DNAAF5: variants seen among roughly 807,000 people sequenced by gnomAD.
DNAAF5 encodes the protein HEAT repeat containing 2.
DNAAF5 carries 64 observed loss-of-function variants against 75.8 expected under a neutral mutation model. The ratio of observed to expected loss-of-function variants is 0.84; its 90% CI spans 0.69 to 1.04. The LOEUF is 1.04. Ranked by LOEUF, DNAAF5 falls within the 50% of genes least tolerant of loss-of-function variation. The pLI, the probability that DNAAF5 is intolerant of heterozygous loss-of-function variation, is 0.00. For missense variants in DNAAF5, 1,269 were observed against 1,178.5 expected, an observed-to-expected ratio of 1.08 and a Z score of -1.12; for synonymous variants, 657 against 557.2, an observed-to-expected ratio of 1.18 and a Z score of -2.52.
At chr7:757,531 T>C (rs1402583312) in intron 6 of DNAAF5, among the ~76,000 whole-genome samples, 1 of 152,266 alleles carries the variant, frequency 6.6e-6, no homozygotes, top group Non-Finnish European at 1.5e-5. Flanking sequence ...GGCGTTCCGA[T>C]CTGTGCTTCT....
At chr7:733,166 T>C (rs1781636626) in intron 2 of DNAAF5, among the ~76,000 whole-genome samples, 1 of 152,248 alleles carries the variant, frequency 6.6e-6, no homozygotes, top group Admixed American at 6.5e-5. Context: ...AGTGCCAAGC[T>C]GTTCTGGTCG....
In DNAAF5 at chr7:740,996, A is replaced by G. The variant is rs561452701; in HGVS notation, c.905+53A>G. On this transcript the variant is annotated intron_variant, in intron 3 of 12. Coordinates refer to ENST00000297440, the MANE Select transcript of DNAAF5 (RefSeq NM_017802.4). ...GTCTTCCTAAACGGTCATGTGTAGCAGTGGTGGTTTCTCTTTGCTCCCAGT... is the reference window on the plus strand; with the variant it reads ...GTCTTCCTAAACGGTCATGTGTAGCGGTGGTGGTTTCTCTTTGCTCCCAGT... The G allele has an allele frequency of 1.2e-5, 19 of 1,592,102 alleles. No homozygotes were observed. In the East Asian group the frequency reaches 4.0e-4, roughly 34 times the overall value.
intron 1 of DNAAF5, among the ~76,000 whole-genome samples, chr7:728,481 T>G (rs931907462): frequency 2.6e-5 from 4 of 152,104 alleles, no homozygotes; most frequent in African/African-American, 9.7e-5. Flanking sequence ...GAGCTGGACT[T>G]GGGGAAATGC....
intron 6 of DNAAF5, 117 bp from the exon 7 acceptor site, chr7:761,636 C>A: frequency 2.7e-6 from 3 of 1,097,316 alleles, no homozygotes; most frequent in Non-Finnish European, 2.6e-6. Context: ...CAGTTCCCTC[C>A]CACAGGGTCC....
chr7:735,508 C>CTCATAT (rs1562375322), intron 2 of DNAAF5, among the ~76,000 whole-genome samples: 3 of 149,472 alleles, frequency 2.0e-5, no homozygotes, highest in Admixed American at 1.3e-4. Flanking sequence ...ATTGTAGTTG[C>CTCATAT]TGATATTGTT....
rs548710395 is a variant in DNAAF5 at position 737,473 on chromosome 7, G to A, written c.781-3346G>A. ...GTAGTTTACACATCACAGTTACAGT[G>A]TTACAACATTGTGTTGTTCTGTGTG... On this transcript the variant is annotated intron_variant, in intron 2 of 12. Transcript: ENST00000297440. 7.2e-5 allele frequency among the ~76,000 whole-genome samples: 11 copies of A among 152,320 alleles called. No individual in the cohort carries two copies. In the South Asian group the frequency reaches 2.3e-3, roughly 32 times the overall value.
At chr7:729,487 G>A (rs980575289) in intron 1 of DNAAF5, among the ~76,000 whole-genome samples, 176 bp from the exon 2 acceptor site, 5 of 152,236 alleles carry the variant, frequency 3.3e-5, no homozygotes, top group African/African-American at 9.6e-5. Flanking sequence ...GTGCCGGGCG[G>A]TACAGAGCTC....
At chr7:761,720 C>G (rs1203668382) in intron 6 of DNAAF5, 33 bp from the exon 7 acceptor site, 1 of 1,572,686 alleles carries the variant, frequency 6.4e-7, no homozygotes, top group Non-Finnish European at 8.6e-7. Context: ...CCAAATTGTA[C>G]CAAGCTCTGA....
At chr7:751,677 G>A (rs1458884246) in intron 4 of DNAAF5, among the ~76,000 whole-genome samples, 1 of 149,294 alleles carries the variant, frequency 6.7e-6, no homozygotes, top group Non-Finnish European at 1.5e-5. Flanking sequence ...GGGTTCAAGT[G>A]ATTCTGCTGC....
intron 4 of DNAAF5, among the ~76,000 whole-genome samples, chr7:751,132 C>CG (rs1223469577): frequency 6.6e-6 from 1 of 151,964 alleles, no homozygotes; most frequent in Non-Finnish European, 1.5e-5. Context: ...GCCTGGATGA[C>CG]AGAGCGAGAC....
At chr7:772,125 G>A (rs1778585314) in intron 9 of DNAAF5, 1 of 152,330 alleles carries the variant, frequency 6.6e-6, no homozygotes, top group African/African-American at 2.4e-5. Context: ...CTGCTGTGCG[G>A]GTGCCCAAGA....
intron 6 of DNAAF5, among the ~76,000 whole-genome samples, chr7:757,909 C>T (rs1213002244): frequency 6.6e-6 from 1 of 152,238 alleles, no homozygotes; most frequent in East Asian, 1.9e-4. Flanking sequence ...CCACTGTGCT[C>T]TCAGCCCGGC....
chr7:743,341 C>T lies in DNAAF5; in HGVS notation c.1024+1876C>T, dbSNP rs112295064. 5.3e-3 allele frequency among the ~76,000 whole-genome samples: 804 copies of T among 151,800 alleles called. 4 individuals are homozygous for T. The highest frequency in any genetic ancestry group is 0.02 in the Middle Eastern group (6 of 294). On this transcript the variant is annotated intron_variant, in intron 4 of 12. Coordinates refer to ENST00000297440, the MANE Select transcript of DNAAF5 (RefSeq NM_017802.4). Reference sequence around the variant, plus strand: ...GGTGAGCTATGACCACACCCCTGCACTCCAGCCTGGGTGACAGAGTGAGAC... The same window carrying T: ...GGTGAGCTATGACCACACCCCTGCATTCCAGCCTGGGTGACAGAGTGAGAC...
At chr7:779,921 ACT>A (rs757451318) in intron 11 of DNAAF5, 30 bp from the exon 12 acceptor site, 1 of 1,592,634 alleles carries the variant, frequency 6.3e-7, no homozygotes, top group East Asian at 2.2e-5. Context: ...TCTGCTCTAG[ACT>A]CACACACCTG....
chr7:736,719 G>A (rs1781749632), intron 2 of DNAAF5, among the ~76,000 whole-genome samples: 1 of 152,140 alleles, frequency 6.6e-6, no homozygotes, highest in Non-Finnish European at 1.5e-5. Context: ...TTATTGATAA[G>A]TAAGGACTTA....
intron 2 of DNAAF5, among the ~76,000 whole-genome samples, chr7:740,014 T>G (rs1184035743): frequency 6.6e-6 from 1 of 151,996 alleles, no homozygotes; most frequent in Non-Finnish European, 1.5e-5. Flanking sequence ...AGCCAGGGAC[T>G]GATGGCACCA....
chr7:774,287 G>A, intron 10 of DNAAF5, 89 bp downstream of exon 10: 3 of 1,371,218 alleles, frequency 2.2e-6, no homozygotes, highest in Non-Finnish European at 2.9e-6. Flanking sequence ...GCAGGAACTT[G>A]GGCAGGCAGC....
At chr7:777,105 G>T (rs2128085715) in intron 11 of DNAAF5, among the ~76,000 whole-genome samples, 1 of 152,318 alleles carries the variant, frequency 6.6e-6, no homozygotes, top group South Asian at 2.1e-4. Context: ...GGCCCCCACT[G>T]ATTCTACAGG....
intron 4 of DNAAF5, among the ~76,000 whole-genome samples, chr7:751,667 G>A (rs1275938974): frequency 6.6e-6 from 1 of 150,906 alleles, no homozygotes; most frequent in African/African-American, 2.4e-5. Context: ...CCCACCTCCT[G>A]GGTTCAAGTG....
Sources: gnomAD v4.1 joint callset for allele counts (sites outside exome capture counted in the v4.1 genomes callset) on GRCh38, gnomAD v4.1.1 for gene constraint, MANE v1.5 for transcripts, NCBI Gene and HGNC (gene_info 2026-07-23, HGNC 2026-07-21) for gene names.